Variants in COL5A2 observed in about 807,000 individuals in gnomAD.
The protein encoded by COL5A2 is collagen alpha-2(V) chain.
In COL5A2, 23 loss-of-function variants were observed where a neutral mutation model predicts 208.2. The ratio of observed to expected loss-of-function variants is 0.11; its 90% confidence interval spans 0.08 to 0.16. COL5A2 has a LOEUF of 0.16. COL5A2 is among the 10% of genes least tolerant of loss of function. The pLI, the probability that COL5A2 is intolerant of heterozygous loss-of-function variation, is 1.00. For missense variants in COL5A2, 1,590 were observed against 1,956.4 expected (o/e 0.81, Z 3.53); for synonymous variants, 625 against 628.5 (o/e 0.99, Z 0.08).
At chr2:189,430,953 C>G in the COL5A2 span, among the ~76,000 whole-genome samples, 1 of 152,122 alleles carries the variant, frequency 6.6e-6, no homozygotes, top group East Asian at 1.9e-4. Flanking sequence ...GGTGGGTGCC[C>G]CTATGGGACA....
In COL5A2 at chr2:189,049,367, C is replaced by T. The variant is rs1186405696; in HGVS notation, c.3127G>A (p.Val1043Ile). 1.9e-5 allele frequency: 31 copies of T among 1,612,568 alleles called. No individual in the cohort carries two copies. The highest frequency in any genetic ancestry group is 2.6e-5 in the Non-Finnish European group (31 of 1,179,064). The stretch of plus-strand genomic sequence containing the variant: ...CTCACTTCTGGTCCAGGTTCCCCTA[C>T]AGGACCATTGGAGCCTGGGGGCCCC... ...PVGPPGSNGP[V>I]GEPGPEGPAG... The change falls in exon 44 of 54, where the codon GTA (valine) becomes ATA (isoleucine). Residue 1043 changes from valine to isoleucine, a missense_variant. Coordinates refer to ENST00000374866, the MANE Select transcript of COL5A2 (RefSeq NM_000393.5).
the COL5A2 span, among the ~76,000 whole-genome samples, chr2:189,336,377 C>T: frequency 6.6e-6 from 1 of 152,130 alleles, no homozygotes; most frequent in African/African-American, 2.4e-5. Context: ...CAGGAATTTA[C>T]CCAAGGAATA....
chr2:189,035,185 C>T (rs1167786114), intron 52 of COL5A2, 30 bp from the exon 53 acceptor site: 2 of 1,613,202 alleles, frequency 1.2e-6, no homozygotes, highest in African/African-American at 2.7e-5. Context: ...TTGTCATACA[C>T]AAGACTGAAG....
the COL5A2 span, among the ~76,000 whole-genome samples, chr2:189,247,455 A>G: frequency 6.6e-6 from 1 of 152,156 alleles, no homozygotes; most frequent in African/African-American, 2.4e-5. Flanking sequence ...AGTTCCACAC[A>G]GAGAAACCCA....
At chr2:189,136,840 T>C (rs942372341) in intron 1 of COL5A2, among the ~76,000 whole-genome samples, 6 of 152,174 alleles carry the variant, frequency 3.9e-5, no homozygotes, top group Non-Finnish European at 7.4e-5. Context: ...CAAATATATT[T>C]AGTTTGGTTC....
At chr2:189,409,377 T>C in the COL5A2 span, among the ~76,000 whole-genome samples, 4 of 152,088 alleles carry the variant, frequency 2.6e-5, no homozygotes, top group East Asian at 7.7e-4. Flanking sequence ...TCACCCAGCT[T>C]AAATCCACTC....
the COL5A2 span, among the ~76,000 whole-genome samples, chr2:189,400,351 T>C: frequency 6.6e-6 from 1 of 152,190 alleles, no homozygotes; most frequent in South Asian, 2.1e-4. Context: ...TTATATTCTT[T>C]TCTACATGTT....
chr2:189,428,199 T>C, the COL5A2 span, among the ~76,000 whole-genome samples: 2 of 152,160 alleles, frequency 1.3e-5, no homozygotes, highest in Admixed American at 1.3e-4. Flanking sequence ...CCAGATCTCA[T>C]GTTAAAATAT....
chr2:189,058,085 A>G (rs1321458898), intron 33 of COL5A2, among the ~76,000 whole-genome samples: 2 of 152,188 alleles, frequency 1.3e-5, no homozygotes, highest in African/African-American at 2.4e-5. Context: ...ATTATTAGAA[A>G]AGCCTCCTAA....
intron 29 of COL5A2, among the ~76,000 whole-genome samples, chr2:189,062,582 T>A (rs2105589269): frequency 1.3e-5 from 2 of 152,268 alleles, no homozygotes; most frequent in African/African-American, 4.8e-5. Context: ...TGTTACACAC[T>A]GTTTTCTTCA....
chr2:189,405,411 C>T, the COL5A2 span, among the ~76,000 whole-genome samples: 1 of 151,694 alleles, frequency 6.6e-6, no homozygotes, highest in Non-Finnish European at 1.5e-5. Flanking sequence ...TTTGTATTTT[C>T]AGTAGACACA....
At chr2:189,302,338 AC>A in the COL5A2 span, among the ~76,000 whole-genome samples, 1 of 152,176 alleles carries the variant, frequency 6.6e-6, no homozygotes, top group Admixed American at 6.5e-5. Context: ...TAATGGCAAA[AC>A]ATTATAGTAT....
chr2:189,148,545 TG>T (rs1688083967), intron 1 of COL5A2, among the ~76,000 whole-genome samples: 1 of 152,012 alleles, frequency 6.6e-6, no homozygotes, highest in Non-Finnish European at 1.5e-5. Flanking sequence ...ACTTAAAAGA[TG>T]TAAAAAGAGG....
the COL5A2 span, among the ~76,000 whole-genome samples, chr2:189,387,674 A>G: frequency 6.6e-6 from 1 of 152,196 alleles, no homozygotes; most frequent in Non-Finnish European, 1.5e-5. Flanking sequence ...ACAAAGTTGC[A>G]ACAGGTTAAG....
rs967909465 is a variant in COL5A2 at position 189,178,657 on chromosome 2, CAT to C, written c.97+849_97+850del. Among the ~76,000 whole-genome samples, 32 of 127,170 alleles carry C rather than the reference CAT, an allele frequency of 2.5e-4. 1 individual carries two copies. Among genetic ancestry groups the C allele is most frequent in the African/African-American group, 8.8e-4 (29 of 33,136 alleles). 83.4% of individuals were successfully genotyped at this position (127,170 alleles called of 152,430 possible). ...ACCATACCATATAACCCAACTGTAA[CAT>C]ATGAAAATTGCATAGGAAAAAAATG... is the stretch of plus-strand genomic sequence containing the variant. On this transcript the variant is annotated intron_variant, in intron 1 of 53. Transcript: ENST00000374866.
chr2:189,212,998 C>T lies in COL5A2; in HGVS notation c.-42+12150G>A, dbSNP rs368100800. Reference sequence around the variant, plus strand: ...CTGCCTCCTGGGCTCAAGCAATTCTCCTGCCTCAGTCTCTCAAGTAACTGG... The same window carrying T: ...CTGCCTCCTGGGCTCAAGCAATTCTTCTGCCTCAGTCTCTCAAGTAACTGG... On this transcript the variant is annotated intron_variant, in intron 1 of 10. Transcript: ENST00000649966. Among the ~76,000 whole-genome samples the T allele has an allele frequency of 2.8e-4, 42 of 152,060 alleles. No homozygotes were observed. In the East Asian group the frequency reaches 3.9e-3, roughly 14 times the overall value.
intron 1 of COL5A2, among the ~76,000 whole-genome samples, chr2:189,156,993 TTCTAA>T (rs1190729174): frequency 3.3e-5 from 5 of 151,908 alleles, no homozygotes; most frequent in African/African-American, 9.7e-5. Flanking sequence ...TATGTAATAG[TTCTAA>T]CTACCTGTCT....
chr2:189,133,410 C>T (rs1412924868), intron 1 of COL5A2, among the ~76,000 whole-genome samples: 6 of 151,998 alleles, frequency 3.9e-5, no homozygotes, highest in Non-Finnish European at 8.8e-5. Context: ...CGTGAGCCAC[C>T]ACACCCAGCC....
rs13401632 is a variant in COL5A2, at chr2:189,093,407, G to T, written c.457-987C>A. The stretch of plus-strand genomic sequence containing the variant: ...AAAAAGAACTCCCATGCTTAAACAT[G>T]AGAATACCTATGGGACCACAGTAAG... On this transcript the variant is annotated intron_variant, in intron 6 of 53. Transcript: ENST00000374866. Among the ~76,000 whole-genome samples, 503 of 152,272 alleles carry T rather than the reference G, an allele frequency of 3.3e-3. 1 individual carries two copies. The highest frequency in any genetic ancestry group is 0.011 in the African/African-American group (455 of 41,554).
Sources: gnomAD v4.1 joint callset for allele counts (sites outside exome capture counted in the v4.1 genomes callset) on GRCh38, gnomAD v4.1.1 for gene constraint, MANE v1.5 for transcripts, NCBI Gene and HGNC (gene_info 2026-07-23, HGNC 2026-07-21) for gene names.